Variants in DPY19L4 observed in about 807,000 individuals in gnomAD.
DPY19L4 encodes probable C-mannosyltransferase DPY19L4.
In DPY19L4, 97 loss-of-function variants were observed where a neutral mutation model predicts 102.8. The ratio of observed to expected loss-of-function variants is 0.94; its 90% CI spans 0.80 to 1.12. The LOEUF is 1.12. Among genes scored for constraint, DPY19L4 ranks in the 50% most tolerant of loss-of-function variants. The pLI is 0.00. For synonymous variants in DPY19L4, 252 were observed against 283.1 expected, an observed-to-expected ratio of 0.89 and a Z score of 1.10; for missense variants, 815 against 850.4, an observed-to-expected ratio of 0.96 and a Z score of 0.52.
In DPY19L4 at chr8:94,768,395, G is replaced by T; in HGVS notation, c.1176G>T (p.Lys392Asn). ...LEVKFGLNMT[K>N]NFTMNWLLCQ... The stretch of plus-strand genomic sequence containing the variant: ...ATATCATACTTTTTGTCTTCTATAG[G>T]AATTTTACAATGAATTGGCTCCTCT... Residue 392 changes from lysine to asparagine, a missense_variant and splice_region_variant, in exon 12 of 19, where the codon AAG becomes AAT. Transcript: ENST00000414645. 1 of 1,589,804 alleles carries T rather than the reference G, an allele frequency of 6.3e-7. No individual in the cohort carries two copies. The highest frequency in any genetic ancestry group is 1.2e-5 in the South Asian group (1 of 85,262).
intron 13 of DPY19L4, among the ~76,000 whole-genome samples, chr8:94,772,462 G>C (rs935131759): frequency 6.6e-6 from 1 of 152,178 alleles, no homozygotes; most frequent in Non-Finnish European, 1.5e-5. Context: ...AGAGGAAAGA[G>C]ACCCATAGGA....
intron 9 of DPY19L4, 143 bp from the exon 10 acceptor site, chr8:94,765,568 T>C: frequency 1.4e-6 from 1 of 728,712 alleles, no homozygotes. Flanking sequence ...ACTCCCGACC[T>C]CAAGTGATCC....
At chr8:94,749,343 A>G (rs550506582) in intron 6 of DPY19L4, among the ~76,000 whole-genome samples, 3 of 152,244 alleles carry the variant, frequency 2.0e-5, no homozygotes, top group South Asian at 2.1e-4. Context: ...CAATGTTGCA[A>G]AGAAATCAAC....
intron 13 of DPY19L4, 129 bp downstream of exon 13, chr8:94,770,700 C>A: frequency 1.7e-6 from 2 of 1,149,228 alleles, no homozygotes; most frequent in Non-Finnish European, 2.5e-6. Flanking sequence ...GAGTTTGAGA[C>A]AGTGTGACTC....
intron 7 of DPY19L4, among the ~76,000 whole-genome samples, chr8:94,760,867 G>A (rs1010902737): frequency 6.6e-6 from 1 of 152,166 alleles, no homozygotes; most frequent in African/African-American, 2.4e-5. Context: ...AATTGACTTA[G>A]CCAGGCAGAT....
chr8:94,791,190 T>C lies in DPY19L4; in HGVS notation c.*1280T>C, dbSNP rs996801903. On this transcript the variant is annotated 3_prime_UTR_variant, in exon 19 of 19. Transcript: ENST00000414645. ...TTAAAGTGCTGCAAAAATTGCATTTTCAGTACTCTAAATTACTACATTAGA... is the reference window on the plus strand; with the variant it reads ...TTAAAGTGCTGCAAAAATTGCATTTCCAGTACTCTAAATTACTACATTAGA... The C allele has an allele frequency of 1.3e-5, 2 of 152,312 alleles. No homozygotes were observed. The highest frequency in any genetic ancestry group is 4.8e-5 in the African/African-American group (2 of 41,584). 9.4% of individuals were successfully genotyped at this position (152,312 alleles called of 1,614,324 possible).
At position 94,788,072 on chromosome 8, in the gene DPY19L4, G is replaced by C; in HGVS notation, c.2007+20G>C. 7.6e-7 allele frequency: 1 copy of C among 1,317,974 alleles called. No individual in the cohort carries two copies. Among genetic ancestry groups the C allele is most frequent in the Middle Eastern group, 2.6e-4 (1 of 3,856 alleles). 81.6% of individuals were successfully genotyped at this position (1,317,974 alleles called of 1,614,324 possible). A position where few individuals can be genotyped will look rare whatever the true frequency, so the allele number is the denominator to read the frequency against. ...GGCCACGTAAGTAACCATTTGGAAA[G>C]TTATATATATGTATATATATATATT... On this transcript the variant is annotated intron_variant, in intron 18 of 18. Transcript: ENST00000414645.
intron 2 of DPY19L4, among the ~76,000 whole-genome samples, chr8:94,734,019 T>C (rs1450808129): frequency 6.6e-6 from 1 of 152,010 alleles, no homozygotes; most frequent in Non-Finnish European, 1.5e-5. Context: ...TAAGATCATA[T>C]GTTATTCAGA....
In DPY19L4 at chr8:94,738,472, C is replaced by A; in HGVS notation, c.343+13C>A. ...TCATTTGAAAGAGGTATGATAATCA[C>A]AGTTATATTTTTAATAACAGTATTT... On this transcript the variant is annotated intron_variant, in intron 4 of 18. Coordinates refer to ENST00000414645, the MANE Select transcript of DPY19L4 (RefSeq NM_181787.3). 2 of 1,403,062 alleles carry A rather than the reference C, an allele frequency of 1.4e-6. No individual in the cohort carries two copies. The highest frequency in any genetic ancestry group is 9.7e-7 in the Non-Finnish European group (1 of 1,035,934). The allele number at this position is 1,403,062 out of a possible 1,614,324, so 86.9% of individuals were successfully genotyped here.
At chr8:94,751,123 C>CTT (rs1232060280) in intron 6 of DPY19L4, among the ~76,000 whole-genome samples, 230 of 130,726 alleles carry the variant, frequency 1.8e-3, no homozygotes, top group African/African-American at 5.9e-3. Flanking sequence ...TCTTTCTTTT[C>CTT]TTTTTTTTTT....
At chr8:94,734,061 CT>C (rs55957128) in intron 2 of DPY19L4, among the ~76,000 whole-genome samples, 323 of 133,194 alleles carry the variant, frequency 2.4e-3, no homozygotes, top group Middle Eastern at 7.6e-3. Flanking sequence ...TACCTAATGT[CT>C]TTTTTTTTTT....
rs749670338 is a variant in DPY19L4 at position 94,761,849 on chromosome 8, T to C, written c.870+15T>C. The C allele has an allele frequency of 2.8e-5, 45 of 1,586,114 alleles. No individual in the cohort carries two copies. The highest frequency in any genetic ancestry group is 3.7e-5 in the Non-Finnish European group (43 of 1,170,966). On this transcript the variant is annotated intron_variant, in intron 8 of 18. Transcript: ENST00000414645. ...AAAGTGACAAGGTATTATGGCATTTTGAAATGGTGATTTTTAAGAGAATAA... is the reference window on the plus strand; with the variant it reads ...AAAGTGACAAGGTATTATGGCATTTCGAAATGGTGATTTTTAAGAGAATAA...
intron 6 of DPY19L4, among the ~76,000 whole-genome samples, chr8:94,742,335 G>A (rs1811480227): frequency 6.6e-6 from 1 of 152,094 alleles, no homozygotes; most frequent in East Asian, 1.9e-4. Flanking sequence ...TCCAGCCTGG[G>A]CGACAGAGCG....
At chr8:94,752,954 A>C (rs1254772807) in intron 6 of DPY19L4, among the ~76,000 whole-genome samples, 1 of 151,466 alleles carries the variant, frequency 6.6e-6, no homozygotes, top group Non-Finnish European at 1.5e-5. Context: ...CGTGAGCCAC[A>C]GTGCCCGGCT....
At chr8:94,775,079 A>T (rs1813114635) in intron 13 of DPY19L4, among the ~76,000 whole-genome samples, 1 of 152,194 alleles carries the variant, frequency 6.6e-6, no homozygotes, top group Admixed American at 6.5e-5. Context: ...CAAAAAGTTC[A>T]TGAAAAATGC....
At chr8:94,785,112 T>G (rs944783091) in intron 17 of DPY19L4, among the ~76,000 whole-genome samples, 1 of 152,246 alleles carries the variant, frequency 6.6e-6, no homozygotes, top group African/African-American at 2.4e-5. Flanking sequence ...ACCCAAATGC[T>G]AGCTCTGCTG....
intron 7 of DPY19L4, 139 bp from the exon 8 acceptor site, chr8:94,761,561 G>C: frequency 1.3e-6 from 1 of 762,014 alleles, no homozygotes; most frequent in Middle Eastern, 4.3e-4. Flanking sequence ...ATAATTATGT[G>C]ATTTAAAAAC....
In DPY19L4 at chr8:94,789,981, T is replaced by C; in HGVS notation, c.*71T>C. On this transcript the variant is annotated 3_prime_UTR_variant, in exon 19 of 19. Coordinates refer to ENST00000414645, the MANE Select transcript of DPY19L4 (RefSeq NM_181787.3). Reference sequence around the variant, plus strand: ...AGTTTTCTTCTACCTACTCGGTGTCTTTTGCAGATCAGAGTATGGACATTT... The same window carrying C: ...AGTTTTCTTCTACCTACTCGGTGTCCTTTGCAGATCAGAGTATGGACATTT... The C allele has an allele frequency of 6.9e-7, 1 of 1,459,762 alleles. No individual in the cohort carries two copies. The highest frequency in any genetic ancestry group is 9.4e-7 in the Non-Finnish European group (1 of 1,069,170). The allele number at this position is 1,459,762 out of a possible 1,614,324, so 90.4% of individuals were successfully genotyped here. A position where few individuals can be genotyped will look rare whatever the true frequency, so the allele number is the denominator to read the frequency against.
At chr8:94,764,677 GTGTC>G (rs1341722665) in intron 8 of DPY19L4, among the ~76,000 whole-genome samples, 42 of 108,038 alleles carry the variant, frequency 3.9e-4, no homozygotes, top group Non-Finnish European at 6.2e-4. Context: ...GTGTGTGTGT[GTGTC>G]TGTGTGTGTA....
Sources: allele counts gnomAD v4.1 joint callset (sites outside exome capture counted in the v4.1 genomes callset), GRCh38; gene constraint gnomAD v4.1.1; transcripts MANE v1.5; gene names NCBI Gene and HGNC (gene_info 2026-07-23, HGNC 2026-07-21).